Variants in PROX1 observed in about 807,000 individuals in gnomAD.
PROX1 encodes prospero homeobox protein 1.
PROX1 carries 7 observed loss-of-function variants against 58.8 expected under a neutral mutation model. The observed-to-expected ratio is 0.12, with a 90% CI of 0.07 to 0.22. PROX1 has a LOEUF of 0.22. Among genes scored for constraint, PROX1 ranks in the 10% least tolerant of loss-of-function variants. PROX1 has a pLI of 1.00. For missense variants in PROX1, 675 were observed against 927.8 expected, an observed-to-expected ratio of 0.73 and a Z score of 3.54; for synonymous variants, 350 against 358.3, an observed-to-expected ratio of 0.98 and a Z score of 0.26.
chr1:214,011,757 T>C, intron 4 of PROX1, 42 bp downstream of exon 4: 1 of 1,492,518 alleles, frequency 6.7e-7, no homozygotes, highest in Non-Finnish European at 9.0e-7. Context: ...CCCTTTTCCT[T>C]TTTTAAAAAA....
Position 214,038,501 on chromosome 1 carries a change from G to A in PROX1, c.*2667G>A. 1 of 151,386 alleles carries A rather than the reference G, an allele frequency of 6.6e-6. No individual in the cohort carries two copies. Among genetic ancestry groups the A allele is most frequent in the East Asian group, 1.9e-4 (1 of 5,172 alleles). The allele number at this position is 151,386 out of a possible 1,614,324, so 9.4% of individuals were successfully genotyped here. On this transcript the variant is annotated 3_prime_UTR_variant, in exon 5 of 5. Coordinates refer to ENST00000366958, the MANE Select transcript of PROX1 (RefSeq NM_001270616.2). ...TATGGTGGGATGGTGAAGGATGAGG[G>A]ACAGTTTACATAGGAAAAGAAAAAA... is the stretch of plus-strand genomic sequence containing the variant.
Position 214,011,625 on chromosome 1 carries a change from G to T in PROX1, c.1938G>T (p.Gly646=). The T allele has an allele frequency of 6.2e-7, 1 of 1,614,032 alleles. No homozygotes were observed. Among genetic ancestry groups the T allele is most frequent in the Middle Eastern group, 1.6e-4 (1 of 6,062 alleles). The change falls in exon 4 of 5, where the codon GGG becomes GGT. Residue 646 remains glycine (G), a synonymous_variant. Coordinates refer to ENST00000366958, the MANE Select transcript of PROX1 (RefSeq NM_001270616.2). ...ACGCACGTCAAGCCATCAACGATGG[G>T]GTCACCAGTACTGAAGAGCTGTCTA... is the stretch of plus-strand genomic sequence containing the variant. ...EKYARQAIND[G]VTSTEELSIT... is the part of the protein sequence containing the mutation.
intron 1 of PROX1, among the ~76,000 whole-genome samples, chr1:213,993,322 A>G (rs1663104784): frequency 6.6e-6 from 1 of 152,200 alleles, no homozygotes; most frequent in Non-Finnish European, 1.5e-5. Flanking sequence ...GCCTAGTGAA[A>G]CTGAAAATTA....
At chr1:214,001,301 C>T (rs1047936432) in intron 2 of PROX1, among the ~76,000 whole-genome samples, 3 of 152,176 alleles carry the variant, frequency 2.0e-5, no homozygotes, top group Admixed American at 2.0e-4. Flanking sequence ...AGTGCACCTG[C>T]TCCAAGGGCT....
At chr1:214,015,131 G>C (rs1664049002) in intron 4 of PROX1, among the ~76,000 whole-genome samples, 1 of 152,168 alleles carries the variant, frequency 6.6e-6, no homozygotes. Flanking sequence ...AGGGTGGTGA[G>C]CGTTTGAGAA....
intron 2 of PROX1, among the ~76,000 whole-genome samples, chr1:214,002,939 G>C (rs898792036): frequency 5.9e-5 from 9 of 152,134 alleles, no homozygotes; most frequent in Non-Finnish European, 1.0e-4. Context: ...CAATAAGCAA[G>C]AGATAAAGAT....
In PROX1 at chr1:214,036,524, C is replaced by T. The variant is rs1385741680; in HGVS notation, c.*690C>T. On this transcript the variant is annotated 3_prime_UTR_variant, in exon 5 of 5. Transcript: ENST00000366958. ...AAAGCAATTTTGCACAAAACCAGCT[C>T]TCTCAAGATGAGACTAGAAATTCAT... The T allele has an allele frequency of 1.3e-5, 2 of 152,164 alleles. No homozygotes were observed. The highest frequency in any genetic ancestry group is 2.9e-5 in the Non-Finnish European group (2 of 68,034). The allele number at this position is 152,164 out of a possible 1,614,324, so 9.4% of individuals were successfully genotyped here. A position where few individuals can be genotyped will look rare whatever the true frequency, so the allele number is the denominator to read the frequency against.
At chr1:213,984,624 A>G (rs1662779040), upstream of PROX1, 1 of 152,536 alleles carries the variant, frequency 6.6e-6, no homozygotes, top group African/African-American at 2.4e-5. Flanking sequence ...TGAGAGTGAG[A>G]GGCCGTCAGT....
rs1223835334 is a variant in PROX1, at chr1:214,013,627, AG to A, written c.2028+1916del. Among the ~76,000 whole-genome samples, 5 of 152,196 alleles carry A rather than the reference AG, an allele frequency of 3.3e-5. 1 individual carries two copies. The highest frequency in any genetic ancestry group is 3.3e-4 in the Admixed American group (5 of 15,284). ...GAATTTAATCCGCTACCCACAGGCC[AG>A]GGGCCAAAATGACACAAACAGGGGA... On this transcript the variant is annotated intron_variant, in intron 4 of 4. Transcript: ENST00000366958.
In PROX1 at chr1:214,039,600, G is replaced by A. The variant is rs1664939465; in HGVS notation, c.*3766G>A. 6.6e-6 allele frequency: 1 copy of A among 152,146 alleles called. No individual in the cohort carries two copies. The highest frequency in any genetic ancestry group is 6.5e-5 in the Admixed American group (1 of 15,278). 9.4% of individuals were successfully genotyped at this position (152,146 alleles called of 1,614,324 possible). On this transcript the variant is annotated 3_prime_UTR_variant, in exon 5 of 5. Transcript: ENST00000366958. ...CTCACGACATCTGTTGAATTTACTA[G>A]GAACACTACAGTGACTGTATAGACA... is the stretch of plus-strand genomic sequence containing the variant.
chr1:214,017,185 G>T (rs1422147204), intron 4 of PROX1, among the ~76,000 whole-genome samples: 3 of 151,764 alleles, frequency 2.0e-5, no homozygotes, highest in Admixed American at 1.3e-4. Context: ...AAGATGTTTT[G>T]TGGCAGCCTA....
chr1:213,996,358 T>G (rs1663262916), intron 1 of PROX1, 111 bp from the exon 2 acceptor site: 5 of 622,532 alleles, frequency 8.0e-6, no homozygotes, highest in Non-Finnish European at 1.1e-5. Context: ...AATTGTAATG[T>G]GCCATAAATC....
chr1:213,993,532 G>A (rs974692302), intron 1 of PROX1, among the ~76,000 whole-genome samples: 2 of 152,046 alleles, frequency 1.3e-5, no homozygotes, highest in Non-Finnish European at 2.9e-5. Context: ...TTATGGTAAC[G>A]TAACAGTACA....
chr1:214,035,923 A>C lies in PROX1; in HGVS notation c.*89A>C. 8.5e-7 allele frequency: 1 copy of C among 1,177,464 alleles called. No homozygotes were observed. The highest frequency in any genetic ancestry group is 1.8e-5 in the South Asian group (1 of 57,058). 72.9% of individuals were successfully genotyped at this position (1,177,464 alleles called of 1,614,324 possible). ...ATGTGTCTAGATTTTGATTTCATAT[A>C]TATGTGTATGGGAGGCATGGATATG... On this transcript the variant is annotated 3_prime_UTR_variant, in exon 5 of 5. Transcript: ENST00000366958.
chr1:214,041,477 C>T lies in PROX1; in HGVS notation c.*5643C>T, dbSNP rs1384853738. 6.7e-6 allele frequency: 1 copy of T among 148,948 alleles called. No homozygotes were observed. Among genetic ancestry groups the T allele is most frequent in the Non-Finnish European group, 1.5e-5 (1 of 67,492 alleles). 9.2% of individuals were successfully genotyped at this position (148,948 alleles called of 1,614,324 possible). Reference sequence around the variant, plus strand: ...TTCTCTCTCTGAAACATCTTTCAGGCTTAACTTTATTTAGCCCTGAAACTT... The same window carrying T: ...TTCTCTCTCTGAAACATCTTTCAGGTTTAACTTTATTTAGCCCTGAAACTT... On this transcript the variant is annotated 3_prime_UTR_variant, in exon 5 of 5. Transcript: ENST00000366958.
At position 213,997,464 on chromosome 1, in the gene PROX1, G is replaced by A. The variant is rs1459558209; in HGVS notation, c.929G>A (p.Arg310Gln). Residue 310 changes from arginine to glutamine, a missense_variant, in exon 2 of 5, where the codon CGA becomes CAA. Around this residue, in one of 8 missense-constraint regions of PROX1, gnomAD observed 403 missense variants for 477.4 expected, o/e 0.84. Transcript: ENST00000366958. The surrounding 1 kb of genome is among the most constrained non-coding windows in gnomAD (Gnocchi z 7.1). Reference sequence around the variant, plus strand: ...CTAGACCCAGGACAGTTTATTGACCGAGCTCGAGCCCTGATCAGAGAGCAG... The same window carrying A: ...CTAGACCCAGGACAGTTTATTGACCAAGCTCGAGCCCTGATCAGAGAGCAG... ...CELDPGQFID[R>Q]ARALIREQEM... is the part of the protein sequence containing the mutation. 8.1e-6 allele frequency: 13 copies of A among 1,613,956 alleles called. No individual in the cohort carries two copies. In the Admixed American group the frequency reaches 2.2e-4, roughly 27 times the overall value.
rs763701960 is a variant in PROX1, at chr1:213,997,894, C to G, written c.1359C>G (p.Ser453=). The change falls in exon 2 of 5, where the codon TCC becomes TCG. Residue 453 remains serine, a synonymous_variant. Coordinates refer to ENST00000366958, the MANE Select transcript of PROX1 (RefSeq NM_001270616.2). The surrounding 1 kb of genome is among the most constrained non-coding windows in gnomAD (Gnocchi z 7.1). ...AAAACTCCTCTGACCAGTCTGCCTC[C>G]GGCCCTGCCGCTGGCGGCCACCACC... The part of the protein sequence containing the change: ...VRKNSSDQSA[S]GPAAGGHHQP... 1 of 1,612,154 alleles carries G rather than the reference C, an allele frequency of 6.2e-7. No individual in the cohort carries two copies. The highest frequency in any genetic ancestry group is 8.5e-7 in the Non-Finnish European group (1 of 1,179,030).
intron 2 of PROX1, among the ~76,000 whole-genome samples, chr1:214,000,941 C>T (rs4655477): frequency 0.28 from 42,635 of 151,916 alleles, 6,226 homozygotes; most frequent in Admixed American, 0.39. Context: ...ATATATGATC[C>T]GGTTGTACAG....
chr1:213,984,339 G>T (rs573296974), upstream of PROX1: 1 of 152,274 alleles, frequency 6.6e-6, no homozygotes, highest in East Asian at 1.9e-4. Flanking sequence ...TTGGGAGTGG[G>T]TTCTTTATCA....
Sources: allele counts gnomAD v4.1 joint callset (sites outside exome capture counted in the v4.1 genomes callset), GRCh38; gene constraint gnomAD v4.1.1; regional missense constraint gnomAD v4.1.1; non-coding constraint Gnocchi (gnomAD v3.1); transcripts MANE v1.5; gene names NCBI Gene and HGNC (gene_info 2026-07-23, HGNC 2026-07-21).